The following UBE2E2 variants were observed in gnomAD, a reference collection of about 807,000 sequenced individuals.
UBE2E2 encodes the protein ubiquitin-conjugating enzyme E2 E2.
In UBE2E2, 6 loss-of-function variants were observed where a neutral mutation model predicts 24.7. That is an observed-to-expected ratio of 0.24 (90% CI 0.13 to 0.48). UBE2E2 has a LOEUF of 0.48. Ranked by LOEUF, UBE2E2 falls within the 20% of genes least tolerant of loss-of-function variation. The pLI is 0.99. For synonymous variants in UBE2E2, 104 were observed against 83.6 expected (o/e 1.24, Z -1.33); for missense variants, 169 against 245.0 (o/e 0.69, Z 2.07).
chr3:23,244,226 A>C (rs1275067142), intron 3 of UBE2E2, among the ~76,000 whole-genome samples: 1 of 152,134 alleles, frequency 6.6e-6, no homozygotes, highest in South Asian at 2.1e-4. Flanking sequence ...TTTAAGCTGC[A>C]TATGCCTTAT....
At chr3:23,205,546 CA>C (rs1237091992) in intron 1 of UBE2E2, among the ~76,000 whole-genome samples, 1 of 151,928 alleles carries the variant, frequency 6.6e-6, no homozygotes, top group Non-Finnish European at 1.5e-5. Flanking sequence ...ATCAAGCATT[CA>C]AAAAACAAAC....
chr3:23,530,863 C>T (rs573816852), intron 4 of UBE2E2, among the ~76,000 whole-genome samples: 1 of 152,168 alleles, frequency 6.6e-6, no homozygotes, highest in African/African-American at 2.4e-5. Context: ...TTACTCCCTT[C>T]CCTCTTCCCA....
chr3:23,478,663 A>T (rs911835511), intron 3 of UBE2E2, among the ~76,000 whole-genome samples: 1 of 152,194 alleles, frequency 6.6e-6, no homozygotes, highest in Non-Finnish European at 1.5e-5. Context: ...TCTAGTCTTT[A>T]CTAAAATAGC....
chr3:23,374,696 A>G (rs1045795118), intron 3 of UBE2E2, among the ~76,000 whole-genome samples: 2 of 152,208 alleles, frequency 1.3e-5, no homozygotes, highest in Non-Finnish European at 2.9e-5. Flanking sequence ...TAACTACACC[A>G]CAGTATACAA....
intron 3 of UBE2E2, among the ~76,000 whole-genome samples, chr3:23,246,296 C>T (rs1018327036): frequency 6.7e-6 from 1 of 148,420 alleles, no homozygotes; most frequent in Non-Finnish European, 1.5e-5. Flanking sequence ...TCTCGGCTCA[C>T]TGCAAGCTCC....
intron 3 of UBE2E2, among the ~76,000 whole-genome samples, chr3:23,399,820 T>C (rs1697174353): frequency 6.6e-6 from 1 of 152,202 alleles, no homozygotes; most frequent in Admixed American, 6.5e-5. Context: ...TCATGAAACA[T>C]TTTTATTCAC....
intron 3 of UBE2E2, among the ~76,000 whole-genome samples, chr3:23,479,541 T>TGGGGGGG (rs1699209709): frequency 6.6e-6 from 1 of 151,238 alleles, no homozygotes; most frequent in Admixed American, 6.6e-5. Context: ...AGTTGGGGGG[T>TGGGGGGG]AGGGGGGGTA....
intron 5 of UBE2E2, among the ~76,000 whole-genome samples, chr3:23,541,884 T>G (rs1251449339): frequency 6.6e-6 from 1 of 152,216 alleles, no homozygotes; most frequent in African/African-American, 2.4e-5. Context: ...CTTCCTTGCA[T>G]ACATTGTGAC....
At position 23,590,047 on chromosome 3, in the gene UBE2E2, T is replaced by C; in HGVS notation, c.*216T>C. The C allele has an allele frequency of 2.1e-6, 1 of 465,204 alleles. No homozygotes were observed. Among genetic ancestry groups the C allele is most frequent in the Admixed American group, 3.5e-5 (1 of 28,178 alleles). 28.8% of individuals were successfully genotyped at this position (465,204 alleles called of 1,614,324 possible). ...TCTTTTATCTCTCATTTTATTCCCT[T>C]GTTGATTTCTGTTAACTTGAAAGAT... is the stretch of plus-strand genomic sequence containing the variant. On this transcript the variant is annotated 3_prime_UTR_variant, in exon 6 of 6. Transcript: ENST00000396703.
intron 3 of UBE2E2, among the ~76,000 whole-genome samples, chr3:23,401,240 G>T (rs972995469): frequency 1.2e-4 from 18 of 152,322 alleles, no homozygotes; most frequent in African/African-American, 4.3e-4. Context: ...TGGTGAAAAG[G>T]TAAGTCTAGA....
At chr3:23,434,370 A>G (rs1476851110) in intron 3 of UBE2E2, among the ~76,000 whole-genome samples, 1 of 152,148 alleles carries the variant, frequency 6.6e-6, no homozygotes, top group African/African-American at 2.4e-5. Context: ...TCAAACTAGA[A>G]TTCTGAAGAG....
intron 3 of UBE2E2, among the ~76,000 whole-genome samples, chr3:23,492,608 GAA>G (rs1318410651): frequency 6.6e-6 from 1 of 152,120 alleles, no homozygotes; most frequent in Non-Finnish European, 1.5e-5. Context: ...CTAATTCCAT[GAA>G]TACTAATTTT....
intron 4 of UBE2E2, among the ~76,000 whole-genome samples, chr3:23,528,330 T>C (rs969668621): frequency 1.3e-5 from 2 of 152,186 alleles, no homozygotes; most frequent in African/African-American, 4.8e-5. Context: ...GGAGAAAGAA[T>C]TCTGCCAAGC....
intron 3 of UBE2E2, among the ~76,000 whole-genome samples, chr3:23,310,300 CTTTTT>C (rs34141165): frequency 6.9e-6 from 1 of 144,092 alleles, no homozygotes; most frequent in Non-Finnish European, 1.5e-5. Flanking sequence ...AAAGGCATGC[CTTTTT>C]TTTTTTTTTA....
At chr3:23,291,847 T>C (rs1698774093) in intron 3 of UBE2E2, among the ~76,000 whole-genome samples, 1 of 123,932 alleles carries the variant, frequency 8.1e-6, no homozygotes, top group African/African-American at 3.1e-5. Context: ...CATGCCCGGC[T>C]AATTTTTTTT....
At chr3:23,529,343 G>T (rs748402234) in intron 4 of UBE2E2, among the ~76,000 whole-genome samples, 1 of 152,204 alleles carries the variant, frequency 6.6e-6, no homozygotes, top group Non-Finnish European at 1.5e-5. Context: ...TCAGTTTCCT[G>T]CAGTATACTG....
At chr3:23,507,774 T>C (rs1694490237) in intron 4 of UBE2E2, among the ~76,000 whole-genome samples, 1 of 152,152 alleles carries the variant, frequency 6.6e-6, no homozygotes, top group Non-Finnish European at 1.5e-5. Context: ...CCAAGTATTT[T>C]TGAGGGGAGA....
chr3:23,338,512 T>A (rs144093922), intron 3 of UBE2E2, among the ~76,000 whole-genome samples: 1 of 152,234 alleles, frequency 6.6e-6, no homozygotes, highest in East Asian at 1.9e-4. Context: ...ACATCATAGC[T>A]CCAGTCAATA....
intron 3 of UBE2E2, among the ~76,000 whole-genome samples, chr3:23,430,189 G>T (rs1698025502): frequency 6.6e-6 from 1 of 152,202 alleles, no homozygotes; most frequent in Non-Finnish European, 1.5e-5. Flanking sequence ...GACTATTTGA[G>T]CTTGGATCTT....
Sources: allele counts gnomAD v4.1 joint callset (sites outside exome capture counted in the v4.1 genomes callset), GRCh38; gene constraint gnomAD v4.1.1; transcripts MANE v1.5; gene names NCBI Gene and HGNC (gene_info 2026-07-23, HGNC 2026-07-21).